Variants in ADAM18 observed in about 807,000 individuals in gnomAD.
ADAM18 encodes ADAM metallopeptidase domain 18.
A neutral mutation model predicts 94.4 loss-of-function variants in ADAM18; 117 were observed. That is an observed-to-expected ratio of 1.24 (90% CI 1.07 to 1.45). The LOEUF is 1.45. ADAM18 is among the 40% of genes most tolerant of loss of function. The pLI, the probability that ADAM18 is intolerant of heterozygous loss-of-function variation, is 0.00. For synonymous variants in ADAM18, 327 were observed against 291.6 expected, an observed-to-expected ratio of 1.12 and a Z score of -1.24; for missense variants, 936 against 880.0, an observed-to-expected ratio of 1.06 and a Z score of -0.81.
At chr8:39,726,463 C>G (rs1822915406) in intron 19 of ADAM18, among the ~76,000 whole-genome samples, 1 of 152,034 alleles carries the variant, frequency 6.6e-6, no homozygotes, top group South Asian at 2.1e-4. Context: ...AACCCTTTAT[C>G]AGATATATAG....
At chr8:39,630,465 C>T (rs532582955) in intron 7 of ADAM18, among the ~76,000 whole-genome samples, 4 of 151,482 alleles carry the variant, frequency 2.6e-5, no homozygotes, top group Non-Finnish European at 5.9e-5. Flanking sequence ...GGAAAGTCTT[C>T]ATAGAATAGA....
rs776142388 is a variant in ADAM18 at position 39,585,361 on chromosome 8, T to A, written c.132+9T>A. 12 of 1,598,452 alleles carry A rather than the reference T, an allele frequency of 7.5e-6. No homozygotes were observed. The highest frequency in any genetic ancestry group is 1.7e-5 in the Admixed American group (1 of 59,626). ...AAGTTTCAGAGAGGAAGGTAAATGA[T>A]GAGGAATATTTATTCTATATTTAAA... On this transcript the variant is annotated intron_variant, in intron 2 of 19. Transcript: ENST00000265707.
chr8:39,595,955 G>A (rs1462729694), intron 2 of ADAM18, among the ~76,000 whole-genome samples: 1 of 152,144 alleles, frequency 6.6e-6, no homozygotes, highest in Non-Finnish European at 1.5e-5. Context: ...GAAGAACTTG[G>A]AAGAATGAGG....
At chr8:39,717,378 A>G (rs1313997624) in intron 18 of ADAM18, among the ~76,000 whole-genome samples, 1 of 151,826 alleles carries the variant, frequency 6.6e-6, no homozygotes, top group East Asian at 1.9e-4. Flanking sequence ...CATTACAGCA[A>G]CACTGTATTC....
intron 12 of ADAM18, among the ~76,000 whole-genome samples, chr8:39,661,205 T>G (rs1218766994): frequency 6.9e-6 from 1 of 143,944 alleles, no homozygotes; most frequent in African/African-American, 2.6e-5. Flanking sequence ...CAGGCTGGAG[T>G]GCAGTGGTGC....
In ADAM18 at chr8:39,584,570, C is replaced by T. The variant is rs1204395450; in HGVS notation, c.-53C>T. ...GCCGAGAGCCTGCCCGCGAGCTCAA[C>T]GCTGCTCAACGGTCTCTGTCCTTGG... is the stretch of plus-strand genomic sequence containing the variant. On this transcript the variant is annotated 5_prime_UTR_variant, in exon 1 of 20. It adds an upstream start codon to the 5' untranslated region. Transcript: ENST00000265707. 7 of 1,602,254 alleles carry T rather than the reference C, an allele frequency of 4.4e-6. No homozygotes were observed. The highest frequency in any genetic ancestry group is 1.1e-5 in the South Asian group (1 of 90,988).
chr8:39,606,416 T>A, intron 3 of ADAM18, 54 bp downstream of exon 3: 1 of 1,205,648 alleles, frequency 8.3e-7, no homozygotes, highest in African/African-American at 1.5e-5. Flanking sequence ...AAGTTTAGAT[T>A]TTACAGCCTT....
In ADAM18 at chr8:39,638,464, G is replaced by A. The variant is rs1337483042; in HGVS notation, c.828-1G>A. 1 of 1,545,714 alleles carries A rather than the reference G, an allele frequency of 6.5e-7. No individual in the cohort carries two copies. The highest frequency in any genetic ancestry group is 2.3e-5 in the East Asian group (1 of 43,212). On this transcript the variant is annotated splice_acceptor_variant, in intron 9 of 19. Transcript: ENST00000265707. LOFTEE classifies it high-confidence loss of function. The stretch of plus-strand genomic sequence containing the variant: ...GTTAATAAAAAATTATAATAATGTA[G>A]TTACAGGAAACATCCTAAATATGTG...
chr8:39,720,867 G>A (rs1027082891), intron 18 of ADAM18, among the ~76,000 whole-genome samples: 4 of 151,458 alleles, frequency 2.6e-5, no homozygotes, highest in African/African-American at 7.2e-5. Flanking sequence ...GACACTTCCC[G>A]TGTATGCATA....
intron 17 of ADAM18, among the ~76,000 whole-genome samples, chr8:39,706,370 ATTTAT>A (rs915529821): frequency 3.7e-4 from 57 of 152,268 alleles, no homozygotes; most frequent in African/African-American, 1.3e-3. Flanking sequence ...ATCAATTGAT[ATTTAT>A]TTTATCACAA....
chr8:39,592,166 C>T (rs776630914), intron 2 of ADAM18, among the ~76,000 whole-genome samples: 16 of 152,244 alleles, frequency 1.1e-4, no homozygotes, highest in African/African-American at 1.9e-4. Context: ...ATTGTTAGAA[C>T]GGTCACTGAG....
chr8:39,627,020 G>A (rs537926407), intron 6 of ADAM18, among the ~76,000 whole-genome samples: 1 of 152,150 alleles, frequency 6.6e-6, no homozygotes, highest in African/African-American at 2.4e-5. Flanking sequence ...TTATTGTGTT[G>A]CTGTCTATCT....
intron 8 of ADAM18, 30 bp downstream of exon 8, chr8:39,637,365 T>G: frequency 6.4e-7 from 1 of 1,568,776 alleles, no homozygotes; most frequent in African/African-American, 1.4e-5. Flanking sequence ...CATTTCCATT[T>G]TCATGAAAGT....
At chr8:39,690,744 A>T (rs1821749026) in intron 16 of ADAM18, among the ~76,000 whole-genome samples, 1 of 152,206 alleles carries the variant, frequency 6.6e-6, no homozygotes. Flanking sequence ...AAAAGGAAAC[A>T]CACACGATTG....
At position 39,610,577 on chromosome 8, in the gene ADAM18, A is replaced by T. The variant is rs2129578495; in HGVS notation, c.393A>T (p.Glu131Asp). 1 of 1,612,086 alleles carries T rather than the reference A, an allele frequency of 6.2e-7. No homozygotes were observed. The highest frequency in any genetic ancestry group is 2.2e-5 in the East Asian group (1 of 44,704). Reference sequence around the variant, plus strand: ...TCAGTTATGGAATTGAACCAGTAGAATCTTCAGCAAGATTTGAGCATATAA... The same window carrying T: ...TCAGTTATGGAATTGAACCAGTAGATTCTTCAGCAAGATTTGAGCATATAA... ...ENISYGIEPV[E>D]SSARFEHIIY... is the part of the protein sequence containing the mutation. The change falls in exon 6 of 20, where the codon GAA (glutamate) becomes GAT (aspartate). Residue 131 changes from glutamate (E) to aspartate (D), a missense_variant. Transcript: ENST00000265707.
At chr8:39,620,882 G>T (rs1302781973) in intron 6 of ADAM18, among the ~76,000 whole-genome samples, 1 of 151,434 alleles carries the variant, frequency 6.6e-6, no homozygotes, top group Admixed American at 6.6e-5. Context: ...AGGTGAGAGG[G>T]GTAGATAGTG....
intron 6 of ADAM18, among the ~76,000 whole-genome samples, chr8:39,622,320 T>C (rs1003325124): frequency 6.7e-6 from 1 of 149,550 alleles, no homozygotes; most frequent in African/African-American, 2.4e-5. Context: ...ATATACATAA[T>C]ACATATATAT....
chr8:39,639,857 A>G (rs1436811448), intron 10 of ADAM18, among the ~76,000 whole-genome samples: 1 of 152,056 alleles, frequency 6.6e-6, no homozygotes, highest in African/African-American at 2.4e-5. Context: ...CACTTGATGC[A>G]TAGACAGGGT....
intron 16 of ADAM18, among the ~76,000 whole-genome samples, chr8:39,683,493 G>T (rs1026117582): frequency 7.9e-5 from 12 of 152,224 alleles, no homozygotes; most frequent in African/African-American, 2.9e-4. Flanking sequence ...ATGAGAAACT[G>T]CTAGAATCTT....
Sources: allele counts gnomAD v4.1 joint callset (sites outside exome capture counted in the v4.1 genomes callset), GRCh38; gene constraint gnomAD v4.1.1; transcripts MANE v1.5; gene names NCBI Gene and HGNC (gene_info 2026-07-23, HGNC 2026-07-21).